CELF2: variants seen among roughly 807,000 people sequenced by gnomAD.
The protein encoded by CELF2 is CUG triplet repeat RNA-binding protein 2.
In CELF2, 8 loss-of-function variants were observed where a neutral mutation model predicts 62.6. That is an observed-to-expected ratio of 0.13 (90% CI 0.07 to 0.23). CELF2 has a LOEUF of 0.23. CELF2 is among the 10% of genes least tolerant of loss of function. The pLI is 1.00. For synonymous variants in CELF2, 258 were observed against 250.0 expected (o/e 1.03, Z -0.30); for missense variants, 333 against 671.0 (o/e 0.50, Z 5.56).
At chr10:10,545,694 TAC>T in the CELF2 span, among the ~76,000 whole-genome samples, 9 of 151,806 alleles carry the variant, frequency 5.9e-5, no homozygotes, top group East Asian at 5.8e-4. Context: ...AAATATACTA[TAC>T]ACACACACAC....
At chr10:10,665,884 A>G in the CELF2 span, among the ~76,000 whole-genome samples, 2 of 152,208 alleles carry the variant, frequency 1.3e-5, no homozygotes, top group East Asian at 3.8e-4. Flanking sequence ...CTGCAAGCCT[A>G]TCCCATACAA....
At chr10:10,903,420 T>C (rs1564794700) in intron 1 of CELF2, among the ~76,000 whole-genome samples, 2 of 152,208 alleles carry the variant, frequency 1.3e-5, no homozygotes, top group Non-Finnish European at 2.9e-5. Context: ...GAGAATTCTA[T>C]TAATGATGGA....
chr10:11,325,789 C>G lies in CELF2; in HGVS notation c.1295-47C>G, dbSNP rs563621388. The G allele has an allele frequency of 7.1e-6, 11 of 1,549,922 alleles. No individual in the cohort carries two copies. The South Asian group carries it at 1.1e-4, about 15-fold the overall frequency. On this transcript the variant is annotated intron_variant, in intron 11 of 12. Coordinates refer to ENST00000633077, the MANE Select transcript of CELF2 (RefSeq NM_001326342.2). ...TATTCCTAAGAAGGGACTTTGGAAA[C>G]TAAGACTCAAGGGATACCTTACTCT...
chr10:11,217,447 T>C lies in CELF2; in HGVS notation c.294T>C (p.Tyr98=), dbSNP rs371658258. 6.2e-6 allele frequency: 10 copies of C among 1,613,122 alleles called. No individual in the cohort carries two copies. The African/African-American group carries it at 6.7e-5, about 11-fold the overall frequency. ...QSKGCCFVTF[Y]TRKAALEAQN... ...TAGGTTGTTGTTTCGTAACATTTTA[T>C]ACAAGAAAAGCTGCACTTGAGGCCC... Residue 98 remains tyrosine (Y), a synonymous_variant, in exon 3 of 13, where the codon TAT becomes TAC. Transcript: ENST00000633077. The surrounding 1 kb of genome is among the most constrained non-coding windows in gnomAD (Gnocchi z 5.6).
In CELF2 at chr10:11,159,567, G is replaced by A. The variant is rs182923825; in HGVS notation, c.75-5919G>A. Among the ~76,000 whole-genome samples, 47 of 152,312 alleles carry A rather than the reference G, an allele frequency of 3.1e-4. No individual in the cohort carries two copies. The highest frequency in any genetic ancestry group is 6.0e-4 in the Non-Finnish European group (41 of 68,032). On this transcript the variant is annotated intron_variant, in intron 1 of 12. Transcript: ENST00000633077. The surrounding 1 kb of genome is among the most constrained non-coding windows in gnomAD (Gnocchi z 5.0). ...GATGTGTTCTCCAGCATGCAGTGTG[G>A]GAAGGAGCTGATGCTGAGACCTTAG...
intron 2 of CELF2, among the ~76,000 whole-genome samples, chr10:11,172,055 A>G (rs1565075574): frequency 1.3e-5 from 2 of 152,268 alleles, no homozygotes; most frequent in South Asian, 4.1e-4. Flanking sequence ...TTCAAACTGC[A>G]GGAAGATGAA....
intron 1 of CELF2, among the ~76,000 whole-genome samples, chr10:10,836,595 A>G (rs1313609625): frequency 1.3e-5 from 2 of 152,230 alleles, no homozygotes; most frequent in Non-Finnish European, 2.9e-5. Context: ...CTGAGAAACT[A>G]TAGAAGACTC....
intron 1 of CELF2, among the ~76,000 whole-genome samples, chr10:10,855,100 C>T (rs1405908609): frequency 6.6e-6 from 1 of 152,294 alleles, no homozygotes; most frequent in Middle Eastern, 3.4e-3. Context: ...GAATTGTCAC[C>T]ACTTTGTGCC....
chr10:11,263,950 C>G (rs1364934206), intron 5 of CELF2, among the ~76,000 whole-genome samples: 2 of 152,190 alleles, frequency 1.3e-5, no homozygotes, highest in East Asian at 3.8e-4. Context: ...CATGCACTCC[C>G]ACTTTATAAA....
At chr10:10,705,411 A>G in the CELF2 span, among the ~76,000 whole-genome samples, 3 of 149,640 alleles carry the variant, frequency 2.0e-5, no homozygotes, top group South Asian at 6.4e-4. Context: ...TTCCTTAGCC[A>G]TGGAGTAACT....
intron 1 of CELF2, among the ~76,000 whole-genome samples, chr10:11,079,239 GAACTA>G (rs902193534): frequency 6.6e-6 from 1 of 152,098 alleles, no homozygotes; most frequent in Non-Finnish European, 1.5e-5. Context: ...GTACTTACCT[GAACTA>G]AAGTCCTCTC....
chr10:11,001,728 A>G (rs1424132081), upstream of CELF2, among the ~76,000 whole-genome samples: 1 of 152,206 alleles, frequency 6.6e-6, no homozygotes, highest in African/African-American at 2.4e-5. Flanking sequence ...TTTTGGATAT[A>G]GAGGGCATCC....
chr10:11,126,270 C>A (rs1168461173), intron 1 of CELF2, among the ~76,000 whole-genome samples: 2 of 152,174 alleles, frequency 1.3e-5, no homozygotes, highest in Non-Finnish European at 2.9e-5. Flanking sequence ...TTTTTCGCCT[C>A]TGTATCTGCT....
intron 1 of CELF2, among the ~76,000 whole-genome samples, chr10:11,062,822 A>G (rs1432640694): frequency 1.3e-5 from 2 of 152,230 alleles, no homozygotes; most frequent in African/African-American, 4.8e-5. Flanking sequence ...AAGTTCTAAC[A>G]TGGGCAACGT....
intron 3 of CELF2, among the ~76,000 whole-genome samples, chr10:11,222,529 G>C (rs573932474): frequency 6.6e-6 from 1 of 152,152 alleles, no homozygotes; most frequent in Admixed American, 6.5e-5. Flanking sequence ...TGTGCCATGC[G>C]GGGCACACAA....
chr10:10,649,458 G>GA, the CELF2 span, among the ~76,000 whole-genome samples: 7 of 152,028 alleles, frequency 4.6e-5, no homozygotes, highest in East Asian at 3.9e-4. Flanking sequence ...CCTCTGGGGG[G>GA]AAAAAATGGG....
the CELF2 span, among the ~76,000 whole-genome samples, chr10:10,572,881 T>C: frequency 2.6e-5 from 4 of 152,226 alleles, no homozygotes; most frequent in Non-Finnish European, 5.9e-5. Flanking sequence ...TACCTGGTAA[T>C]GGGATTGCTG....
chr10:11,287,000 C>T (rs971655459), intron 8 of CELF2, among the ~76,000 whole-genome samples: 2 of 152,180 alleles, frequency 1.3e-5, no homozygotes, highest in African/African-American at 4.8e-5. Flanking sequence ...GAGGCCAGGG[C>T]AGAAGAGTGC....
intron 2 of CELF2, among the ~76,000 whole-genome samples, chr10:11,203,839 C>A (rs2059826047): frequency 6.6e-6 from 1 of 152,218 alleles, no homozygotes; most frequent in Non-Finnish European, 1.5e-5. Context: ...CATGGAAACT[C>A]TTATCAAACC....
Sources: allele counts gnomAD v4.1 joint callset (sites outside exome capture counted in the v4.1 genomes callset), GRCh38; gene constraint gnomAD v4.1.1; non-coding constraint Gnocchi (gnomAD v3.1); transcripts MANE v1.5; gene names NCBI Gene and HGNC (gene_info 2026-07-23, HGNC 2026-07-21).